KLF8: variants seen among roughly 807,000 people sequenced by gnomAD.
The protein encoded by KLF8 is KLF transcription factor 8.
Under a neutral mutation model 18.2 loss-of-function variants are expected in KLF8, and 10 were observed. The ratio of observed to expected loss-of-function variants is 0.55; its 90% CI spans 0.34 to 0.93. The LOEUF is 0.93. Among genes scored for constraint, KLF8 ranks in the 40% least tolerant of loss-of-function variants. KLF8 has a pLI of 0.02. For missense variants in KLF8, 264 were observed against 277.9 expected, an observed-to-expected ratio of 0.95 and a Z score of 0.36; for synonymous variants, 109 against 97.3, an observed-to-expected ratio of 1.12 and a Z score of -0.71.
the KLF8 span, among the ~76,000 whole-genome samples, chrX:56,084,242 G>C: frequency 2.7e-5 from 3 of 110,527 alleles, no homozygotes. Flanking sequence ...AAATGGCCAA[G>C]CGTGGTGGCA....
the KLF8 span, among the ~76,000 whole-genome samples, chrX:56,120,859 G>C: frequency 9.0e-6 from 1 of 111,234 alleles, no homozygotes; most frequent in Non-Finnish European, 1.9e-5. Context: ...CTTCTGAGCA[G>C]GGTGACTGTA....
the KLF8 span, among the ~76,000 whole-genome samples, chrX:56,068,354 G>T: frequency 9.1e-6 from 1 of 110,386 alleles, no homozygotes; most frequent in African/African-American, 3.3e-5. Context: ...TTTGAGCACA[G>T]TTAGAGGGTG....
chrX:56,063,193 A>G, the KLF8 span, among the ~76,000 whole-genome samples: 3 of 111,223 alleles, frequency 2.7e-5, no homozygotes, highest in Non-Finnish European at 5.7e-5. Flanking sequence ...TTGTCCATCC[A>G]GTTTTGTTCC....
At chrX:55,989,219 G>T in the KLF8 span, among the ~76,000 whole-genome samples, 1 of 111,685 alleles carries the variant, frequency 9.0e-6, no homozygotes, top group Non-Finnish European at 1.9e-5. Flanking sequence ...GATTGCCCTG[G>T]CCAGAACTTC....
chrX:56,041,667 TTTGTTG>T, the KLF8 span, among the ~76,000 whole-genome samples: 53,005 of 96,198 alleles, frequency 0.55, 13,385 homozygotes, highest in Non-Finnish European at 0.73. Context: ...TCTCTCTAGT[TTTGTTG>T]TTGTTGTTGT....
chrX:55,920,721 A>G, the KLF8 span, among the ~76,000 whole-genome samples: 1 of 111,579 alleles, frequency 9.0e-6, no homozygotes, highest in East Asian at 2.8e-4. Context: ...ATCAAAGACA[A>G]AGAAAAAAGA....
At chrX:55,928,411 C>T in the KLF8 span, among the ~76,000 whole-genome samples, 3 of 110,287 alleles carry the variant, frequency 2.7e-5, no homozygotes, top group Non-Finnish European at 5.7e-5. Context: ...ATGTGCAGAA[C>T]GTGCAGGTTT....
intron 2 of KLF8, among the ~76,000 whole-genome samples, chrX:56,264,352 G>GTTTTTTTAAACTAATAAAT (rs2066932717): frequency 1.0e-5 from 1 of 99,719 alleles, no homozygotes; most frequent in Non-Finnish European, 2.0e-5. Flanking sequence ...TGTATTTATT[G>GTTTTTTTAAACTAATAAAT]GTTTTTTAAA....
the KLF8 span, among the ~76,000 whole-genome samples, chrX:55,967,582 A>G: frequency 9.0e-6 from 1 of 111,728 alleles, no homozygotes; most frequent in African/African-American, 3.2e-5. Flanking sequence ...GATTTCACCA[A>G]CACCAGACCC....
At chrX:56,200,852 G>A in the KLF8 span, among the ~76,000 whole-genome samples, 3 of 111,459 alleles carry the variant, frequency 2.7e-5, no homozygotes, top group African/African-American at 6.5e-5. Context: ...ATAGTCAAAA[G>A]GTATATGAAA....
the KLF8 span, among the ~76,000 whole-genome samples, chrX:56,222,763 C>T: frequency 3.5e-5 from 4 of 113,102 alleles, no homozygotes; most frequent in Non-Finnish European, 1.9e-5. Context: ...TAAGGCCGGG[C>T]GAGAAATCGA....
At chrX:56,211,223 C>T in the KLF8 span, among the ~76,000 whole-genome samples, 3 of 112,669 alleles carry the variant, frequency 2.7e-5, no homozygotes, top group Non-Finnish European at 3.7e-5. Flanking sequence ...GTAATCTAAG[C>T]TCTGTCTGCT....
At chrX:56,162,253 G>A in the KLF8 span, among the ~76,000 whole-genome samples, 12 of 112,149 alleles carry the variant, frequency 1.1e-4, no homozygotes, top group Non-Finnish European at 2.3e-4. Flanking sequence ...TCCATTCTCA[G>A]ATCTCCAGCT....
intron 5 of KLF8, among the ~76,000 whole-genome samples, chrX:56,273,067 TTTTCTTTTC>T: frequency 9.0e-6 from 1 of 111,546 alleles, no homozygotes; most frequent in South Asian, 3.7e-4. Context: ...CTTGATAGAG[TTTTCTTTTC>T]TTTCTTTTAA....
chrX:56,185,475 C>T, the KLF8 span, among the ~76,000 whole-genome samples: 1 of 111,526 alleles, frequency 9.0e-6, no homozygotes, highest in Non-Finnish European at 1.9e-5. Flanking sequence ...GGAGAACTTC[C>T]CCAATCTAGC....
chrX:55,941,578 C>A, the KLF8 span, among the ~76,000 whole-genome samples: 1 of 111,879 alleles, frequency 8.9e-6, no homozygotes, highest in African/African-American at 3.3e-5. Flanking sequence ...TCAGAGTGAA[C>A]AGGCAACCTA....
At chrX:56,127,891 C>G in the KLF8 span, among the ~76,000 whole-genome samples, 1 of 111,290 alleles carries the variant, frequency 9.0e-6, no homozygotes, top group Admixed American at 9.6e-5. Context: ...TAAGGGCCAA[C>G]AAAGAAATAA....
the KLF8 span, among the ~76,000 whole-genome samples, chrX:56,182,629 G>T: frequency 2.0e-4 from 22 of 112,375 alleles, no homozygotes; most frequent in South Asian, 8.2e-3. Context: ...TGATCATGGT[G>T]ACCTAGAAAT....
At chrX:56,041,840 C>T in the KLF8 span, among the ~76,000 whole-genome samples, 2 of 111,542 alleles carry the variant, frequency 1.8e-5, no homozygotes, top group Non-Finnish European at 3.8e-5. Flanking sequence ...CAGGCACATG[C>T]CACAACACTC....
Sources: allele counts gnomAD v4.1 joint callset (sites outside exome capture counted in the v4.1 genomes callset), GRCh38; gene constraint gnomAD v4.1.1; transcripts MANE v1.5; gene names NCBI Gene and HGNC (gene_info 2026-07-23, HGNC 2026-07-21).